The following LTBP4 variants were observed in gnomAD, a reference collection of about 807,000 sequenced individuals.
LTBP4 encodes latent-transforming growth factor beta-binding protein 4.
In LTBP4, 93 loss-of-function variants were observed where a neutral mutation model predicts 180.2. The observed-to-expected ratio is 0.52, with a 90% confidence interval of 0.44 to 0.61. The LOEUF is 0.61. Among genes scored for constraint, LTBP4 ranks in the 20% least tolerant of loss-of-function variants. The pLI is 0.00. For missense variants in LTBP4, 2,116 were observed against 2,256.5 expected, an observed-to-expected ratio of 0.94 and a Z score of 1.26; for synonymous variants, 947 against 934.5, an observed-to-expected ratio of 1.01 and a Z score of -0.24.
Position 40,608,232 on chromosome 19 carries a change from A to G in LTBP4, c.1169A>G (p.Glu390Gly). ...CPPFGSEGFR[E>G]ICPAGPGYHY... ...TACCTATTCCCAGAGGGTTTCCGGG[A>G]GATCTGCCCGGCTGGTCCTGGTTAC... Residue 390 changes from glutamate (E) to glycine (G), a missense_variant, in exon 8 of 30, where the codon GAG becomes GGG. Physicochemically the swap from Glu to Gly is moderately conservative, Grantham distance 98 (BLOSUM62 -2). Transcript: ENST00000396819. 6.2e-7 allele frequency: 1 copy of G among 1,613,896 alleles called. No homozygotes were observed. Among genetic ancestry groups the G allele is most frequent in the South Asian group, 1.1e-5 (1 of 91,078 alleles).
At chr19:40,615,178 AT>A (rs903526162) in intron 19 of LTBP4, among the ~76,000 whole-genome samples, 3 of 38,248 alleles carry the variant, frequency 7.8e-5, no homozygotes, top group Non-Finnish European at 1.4e-4. Flanking sequence ...TACAGTATAT[AT>A]TTTTTTGTGT....
chr19:40,598,435 C>G (rs1450957395), upstream of LTBP4: 1 of 151,072 alleles, frequency 6.6e-6, no homozygotes, highest in African/African-American at 2.4e-5. Flanking sequence ...CCCCCTTAGC[C>G]TGGGGATAAT....
intron 1 of LTBP4, among the ~76,000 whole-genome samples, chr19:40,602,522 G>A (rs2081431839): frequency 1.3e-5 from 2 of 152,176 alleles, no homozygotes; most frequent in Admixed American, 6.5e-5. Flanking sequence ...CAGCCCGGCC[G>A]GCGTGAGCTC....
Position 40,613,551 on chromosome 19 carries a change from G to A in LTBP4, c.2557+22G>A. 1 of 1,557,726 alleles carries A rather than the reference G, an allele frequency of 6.4e-7. No homozygotes were observed. Among genetic ancestry groups the A allele is most frequent in the South Asian group, 1.2e-5 (1 of 84,996 alleles). ...CTCGGTTCGTACCCGGGCTGATCCTGGCCCCGGAAAGGGTGGGCTTAGGGC... is the reference window on the plus strand; with the variant it reads ...CTCGGTTCGTACCCGGGCTGATCCTAGCCCCGGAAAGGGTGGGCTTAGGGC... On this transcript the variant is annotated intron_variant, in intron 17 of 29. Coordinates refer to ENST00000396819, the MANE Select transcript of LTBP4 (RefSeq NM_001042545.2). This position sits in a 1 kb window ranked among gnomAD's most constrained non-coding sequence, Gnocchi z 5.0.
Position 40,629,079 on chromosome 19 carries a change from C to A in LTBP4, c.4520-317C>A, listed in dbSNP as rs2081658054. On this transcript the variant is annotated intron_variant, in intron 29 of 29. Coordinates refer to ENST00000396819, the MANE Select transcript of LTBP4 (RefSeq NM_001042545.2). This position sits in a 1 kb window ranked among gnomAD's most constrained non-coding sequence, Gnocchi z 4.5. ...TGGCCAGGTTCGTCTCGAACTCCGG[C>A]CTCAAGTGATCCACCCGCCTCAGCC... Among the ~76,000 whole-genome samples, 1 of 152,050 alleles carries A rather than the reference C, an allele frequency of 6.6e-6. No homozygotes were observed. Among genetic ancestry groups the A allele is most frequent in the Non-Finnish European group, 1.5e-5 (1 of 68,016 alleles).
At chr19:40,614,145 T>A (rs1316968803) in intron 18 of LTBP4, 107 bp downstream of exon 18, 2 of 1,477,050 alleles carry the variant, frequency 1.4e-6, no homozygotes, top group Non-Finnish European at 9.1e-7. Flanking sequence ...TCCCCTTACC[T>A]CTTTCCCCCG....
intron 7 of LTBP4, 24 bp downstream of exon 7, chr19:40,607,553 G>T (rs754394547): frequency 1.3e-6 from 2 of 1,584,548 alleles, no homozygotes; most frequent in South Asian, 2.3e-5. Flanking sequence ...GCAGTGCCTA[G>T]CCCTACGCGC....
In LTBP4 at chr19:40,605,757, C is replaced by A; in HGVS notation, c.719C>A (p.Thr240Lys). The A allele has an allele frequency of 6.5e-7, 1 of 1,544,292 alleles. No individual in the cohort carries two copies. Among genetic ancestry groups the A allele is most frequent in the Non-Finnish European group, 8.7e-7 (1 of 1,146,640 alleles). The change falls in exon 4 of 30, where the codon ACG (threonine) becomes AAG (lysine). Residue 240 changes from threonine to lysine, a missense_variant. By Grantham distance (78) the Thr-to-Lys change is moderately conservative (BLOSUM62 -1). This residue lies in a region of LTBP4 where 469 missense variants were observed against 532.5 expected (regional missense o/e 0.88). Transcript: ENST00000396819. The surrounding 1 kb of genome is among the most constrained non-coding windows in gnomAD (Gnocchi z 5.5). ...GCGTCCCCGCTGCCCGGGCTCCGGA[C>A]GCAGGAGGTCTGCTGCCGAGGGGCC... ...ECASPLPGLR[T>K]QEVCCRGAGL... is the part of the protein sequence containing the mutation.
chr19:40,604,398 G>A (rs941863668), intron 1 of LTBP4, among the ~76,000 whole-genome samples: 1 of 152,106 alleles, frequency 6.6e-6, no homozygotes, highest in African/African-American at 2.4e-5. Flanking sequence ...TGTGGTTTGA[G>A]TCAATGGAAG....
rs2081622453 is a variant in LTBP4, at chr19:40,625,292, ATATATATATATATATATATATATATT to A, written c.3833-563_3833-538del. Among the ~76,000 whole-genome samples the A allele has an allele frequency of 9.2e-4, 7 of 7,612 alleles. 2 individuals are homozygous for A. The highest frequency in any genetic ancestry group is 0.038 in the Middle Eastern group (1 of 26). The allele number at this position is 7,612 out of a possible 152,430, so 5.0% of individuals were successfully genotyped here. A position where few individuals can be genotyped will look rare whatever the true frequency, so the allele number is the denominator to read the frequency against. ...TATATATATATATATATATATATAT[ATATATATATATATATATATATATATT>A]TTTTTTTTTAAAGATGGGTTTTTGC... On this transcript the variant is annotated intron_variant, in intron 26 of 29. Coordinates refer to ENST00000396819, the MANE Select transcript of LTBP4 (RefSeq NM_001042545.2).
chr19:40,606,214 C>A lies in LTBP4; in HGVS notation c.794-19C>A. On this transcript the variant is annotated intron_variant, in intron 4 of 29. Transcript: ENST00000396819. ...CTCTGCCCACCTGTCCCTGGCCCAC[C>A]CCTCTCCTCTCGCCACAGGGAACTC... The A allele has an allele frequency of 6.4e-7, 1 of 1,572,736 alleles. No homozygotes were observed. The highest frequency in any genetic ancestry group is 8.6e-7 in the Non-Finnish European group (1 of 1,158,024).
At position 40,627,785 on chromosome 19, in the gene LTBP4, C is replaced by T. The variant is rs867528671; in HGVS notation, c.4447C>T (p.Arg1483Cys). The change falls in exon 29 of 30, where the codon CGC (arginine) becomes TGC (cysteine). Residue 1483 changes from arginine (R) to cysteine (C), a missense_variant. Physicochemically the swap from Arg to Cys is radical, Grantham distance 180. Around this residue, in one of 5 missense-constraint regions of LTBP4, gnomAD observed 488 missense variants for 458.8 expected, o/e 1.06. Transcript: ENST00000396819. ...LDGCTNGRCV[R>C]VPEGFTCRCF... The stretch of plus-strand genomic sequence containing the variant: ...CGGCTGCACCAACGGCCGCTGCGTG[C>T]GCGTCCCCGAAGGCTTCACCTGCCG... 1 of 1,570,540 alleles carries T rather than the reference C, an allele frequency of 6.4e-7. No individual in the cohort carries two copies. The highest frequency in any genetic ancestry group is 8.6e-7 in the Non-Finnish European group (1 of 1,162,192).
chr19:40,627,006 C>G lies in LTBP4; in HGVS notation c.4017C>G (p.Arg1339=). ...DDFEALCNVL[R]PPAYSPPRPG... is the part of the protein sequence containing the mutation. ...TCGAGGCCCTGTGCAATGTGCTACG[C>G]CCCCCCGCATATAGCCCCCCGCGAC... The change falls in exon 28 of 30, where the codon CGC becomes CGG. Residue 1339 remains arginine (R), a synonymous_variant. Transcript: ENST00000396819. 7 of 1,586,514 alleles carry G rather than the reference C, an allele frequency of 4.4e-6. No individual in the cohort carries two copies. Among genetic ancestry groups the G allele is most frequent in the Admixed American group, 1.7e-5 (1 of 57,778 alleles).
chr19:40,594,706 G>A (rs2081381730), intron 1 of LTBP4, among the ~76,000 whole-genome samples: 2 of 152,304 alleles, frequency 1.3e-5, no homozygotes, highest in South Asian at 4.1e-4. Flanking sequence ...GCTGTGAATG[G>A]AGTGTGAGTG....
chr19:40,606,383 T>G lies in LTBP4; in HGVS notation c.869-21T>G, dbSNP rs371480343. 263 of 1,607,052 alleles carry G rather than the reference T, an allele frequency of 1.6e-4. 1 individual carries two copies. Among genetic ancestry groups the G allele is most frequent in the Non-Finnish European group, 2.1e-4 (242 of 1,176,826 alleles). ...AGGGATCAAGTTCCTGACTCCACGGTGACCTCCCCAACCCTGGCAGATGTG... is the reference window on the plus strand; with the variant it reads ...AGGGATCAAGTTCCTGACTCCACGGGGACCTCCCCAACCCTGGCAGATGTG... On this transcript the variant is annotated intron_variant, in intron 5 of 29. Coordinates refer to ENST00000396819, the MANE Select transcript of LTBP4 (RefSeq NM_001042545.2).
At position 40,609,673 on chromosome 19, in the gene LTBP4, G is replaced by A. The variant is rs1196363603; in HGVS notation, c.1558+12G>A. 6.2e-7 allele frequency: 1 copy of A among 1,612,280 alleles called. No homozygotes were observed. The highest frequency in any genetic ancestry group is 8.5e-7 in the Non-Finnish European group (1 of 1,179,092). On this transcript the variant is annotated intron_variant, in intron 10 of 29. Coordinates refer to ENST00000396819, the MANE Select transcript of LTBP4 (RefSeq NM_001042545.2). The surrounding 1 kb of genome is among the most constrained non-coding windows in gnomAD (Gnocchi z 4.9). Reference sequence around the variant, plus strand: ...CACCCGATGCATTGGTGAGCAAGACGGAGGGCGCGGAAGGAGGCGGGGCGG... The same window carrying A: ...CACCCGATGCATTGGTGAGCAAGACAGAGGGCGCGGAAGGAGGCGGGGCGG...
rs2081526427 is a variant in LTBP4, at chr19:40,613,815, C to T, written c.2558-101C>T. 6.5e-7 allele frequency: 1 copy of T among 1,530,266 alleles called. No homozygotes were observed. Among genetic ancestry groups the T allele is most frequent in the Non-Finnish European group, 8.9e-7 (1 of 1,122,612 alleles). The allele number at this position is 1,530,266 out of a possible 1,614,324, so 94.8% of individuals were successfully genotyped here. A position where few individuals can be genotyped will look rare whatever the true frequency, so the allele number is the denominator to read the frequency against. On this transcript the variant is annotated intron_variant, in intron 17 of 29. Transcript: ENST00000396819. This position sits in a 1 kb window ranked among gnomAD's most constrained non-coding sequence, Gnocchi z 5.0. ...GTAGCGTGAGGCAGGTTGGGGAAGG[C>T]GTGAGAGGCCTAGGAGAGCCGAGGG... is the stretch of plus-strand genomic sequence containing the variant.
chr19:40,600,431 C>A (rs2081415936), upstream of LTBP4, among the ~76,000 whole-genome samples: 1 of 152,220 alleles, frequency 6.6e-6, no homozygotes, highest in South Asian at 2.1e-4. The surrounding 1 kb of genome is among the most constrained non-coding windows in gnomAD (Gnocchi z 4.4). Flanking sequence ...CTCCCCGCGG[C>A]CGAAGAGGGA....
At position 40,629,657 on chromosome 19, in the gene LTBP4, G is replaced by A. The variant is rs376501563; in HGVS notation, c.*107G>A. The A allele has an allele frequency of 8.3e-5, 97 of 1,171,044 alleles. No homozygotes were observed. The East Asian group carries it at 9.0e-4, about 11-fold the overall frequency. 72.5% of individuals were successfully genotyped at this position (1,171,044 alleles called of 1,614,324 possible). A position where few individuals can be genotyped will look rare whatever the true frequency, so the allele number is the denominator to read the frequency against. ...TGCACGGGGCCGCCCGCCTGGACCT[G>A]GAGAAGGGACCTACGGACGCCTGGA... On this transcript the variant is annotated 3_prime_UTR_variant, in exon 30 of 30. Transcript: ENST00000396819. This position sits in a 1 kb window ranked among gnomAD's most constrained non-coding sequence, Gnocchi z 4.5.
Sources: gnomAD v4.1 joint callset for allele counts (sites outside exome capture counted in the v4.1 genomes callset) on GRCh38, gnomAD v4.1.1 for gene constraint, gnomAD v4.1.1 regional missense constraint, Gnocchi (gnomAD v3.1) non-coding constraint, MANE v1.5 for transcripts, NCBI Gene and HGNC (gene_info 2026-07-23, HGNC 2026-07-21) for gene names.